Variants in PRRC2C observed in about 807,000 individuals in gnomAD.
The protein encoded by PRRC2C is proline rich coiled-coil 2C, also known as protein PRRC2C.
PRRC2C carries 72 observed loss-of-function variants against 317.2 expected under a neutral mutation model. That is an observed-to-expected ratio of 0.23 (90% CI 0.19 to 0.28). PRRC2C has a LOEUF of 0.28. Among genes scored for constraint, PRRC2C ranks in the 10% least tolerant of loss-of-function variants. The pLI, the probability that PRRC2C is intolerant of heterozygous loss-of-function variation, is 1.00. For synonymous variants in PRRC2C, 1,296 were observed against 1,205.9 expected, an observed-to-expected ratio of 1.07 and a Z score of -1.55; for missense variants, 3,074 against 3,459.7, an observed-to-expected ratio of 0.89 and a Z score of 2.80.
At chr1:171,500,878 A>G (rs1361933538) in intron 1 of PRRC2C, among the ~76,000 whole-genome samples, 4 of 152,112 alleles carry the variant, frequency 2.6e-5, no homozygotes. Context: ...AAAATATGGA[A>G]AATGCAGATG....
At position 171,513,229 on chromosome 1, in the gene PRRC2C, T is replaced by C. The variant is rs1271150953; in HGVS notation, c.290+57T>C. On this transcript the variant is annotated intron_variant, in intron 3 of 34. Transcript: ENST00000647382. ...TTCCCCTTTCTTTGTAGGGAACTTATGTTTGAGTACCTGCTATTTGCTAAG... is the reference window on the plus strand; with the variant it reads ...TTCCCCTTTCTTTGTAGGGAACTTACGTTTGAGTACCTGCTATTTGCTAAG... 4.0e-6 allele frequency: 6 copies of C among 1,498,172 alleles called. No individual in the cohort carries two copies. The East Asian group carries it at 7.2e-5, about 18-fold the overall frequency. The allele number at this position is 1,498,172 out of a possible 1,614,324, so 92.8% of individuals were successfully genotyped here.
At chr1:171,529,531 T>G (rs886345671) in intron 11 of PRRC2C, among the ~76,000 whole-genome samples, 1 of 152,218 alleles carries the variant, frequency 6.6e-6, no homozygotes, top group African/African-American at 2.4e-5. Flanking sequence ...TTACCCTACA[T>G]CTAGCTTTAT....
Position 171,588,504 on chromosome 1 carries a change from A to T in PRRC2C, c.8198A>T (p.Gln2733Leu). The T allele has an allele frequency of 6.2e-7, 1 of 1,613,436 alleles. No individual in the cohort carries two copies. Among genetic ancestry groups the T allele is most frequent in the Non-Finnish European group, 8.5e-7 (1 of 1,179,538 alleles). Reference sequence around the variant, plus strand: ...CCATTTCCTACACAGTTTGCACCCCAGGTGGGCAGACATAATTAAGAAATG... The same window carrying T: ...CCATTTCCTACACAGTTTGCACCCCTGGTGGGCAGACATAATTAAGAAATG... Reference protein sequence around the residue: ...TQPFPTQFAPQILSQPNLVPP... With the variant: ...TQPFPTQFAPLILSQPNLVPP... Residue 2733 changes from glutamine (Q) to leucine (L), a missense_variant and splice_region_variant, in exon 33 of 35, where the codon CAG (glutamine) becomes CTG (leucine). Gln to Leu is a moderately radical substitution (Grantham distance 113). Coordinates refer to ENST00000647382, the MANE Select transcript of PRRC2C (RefSeq NM_001387844.1).
intron 3 of PRRC2C, 27 bp from the exon 4 acceptor site, chr1:171,514,509 A>T: frequency 6.7e-7 from 1 of 1,492,288 alleles, no homozygotes; most frequent in African/African-American, 1.4e-5. Flanking sequence ...CAGTATCTGA[A>T]ATAATGGATT....
At chr1:171,544,850 A>G (rs991774587) in intron 16 of PRRC2C, among the ~76,000 whole-genome samples, 1 of 152,216 alleles carries the variant, frequency 6.6e-6, no homozygotes, top group Non-Finnish European at 1.5e-5. Context: ...ATAGGCTAAG[A>G]TGCAAATGAA....
At chr1:171,547,603 G>GT (rs911880940) in intron 17 of PRRC2C, among the ~76,000 whole-genome samples, 1 of 144,704 alleles carries the variant, frequency 6.9e-6, no homozygotes, top group Non-Finnish European at 1.5e-5. Flanking sequence ...AATAAACTGG[G>GT]TTTTTTTCTT....
chr1:171,566,150 G>T, intron 20 of PRRC2C, 83 bp from the exon 21 acceptor site: 1 of 1,103,264 alleles, frequency 9.1e-7, no homozygotes, highest in Non-Finnish European at 1.3e-6. Flanking sequence ...ACCTTCTATT[G>T]TACTTAAACT....
Position 171,571,309 on chromosome 1 carries a change from T to C in PRRC2C, c.6652-11T>C. On this transcript the variant is annotated splice_polypyrimidine_tract_variant and intron_variant, in intron 23 of 34. Coordinates refer to ENST00000647382, the MANE Select transcript of PRRC2C (RefSeq NM_001387844.1). ...TAGTTAGATTGTGATATGTGTTGCCTACCTTTTCAGGTGCCCCTGCCCAAC... is the reference window on the plus strand; with the variant it reads ...TAGTTAGATTGTGATATGTGTTGCCCACCTTTTCAGGTGCCCCTGCCCAAC... 1 of 1,534,598 alleles carries C rather than the reference T, an allele frequency of 6.5e-7. No homozygotes were observed. The highest frequency in any genetic ancestry group is 1.7e-5 in the Admixed American group (1 of 59,722).
At chr1:171,587,415 A>G (rs1650294122) in intron 31 of PRRC2C, among the ~76,000 whole-genome samples, 194 bp downstream of exon 31, 1 of 152,230 alleles carries the variant, frequency 6.6e-6, no homozygotes, top group Non-Finnish European at 1.5e-5. Context: ...ACCTAATAAC[A>G]AAGAATTCAC....
chr1:171,584,904 T>C (rs1473655767), intron 30 of PRRC2C, among the ~76,000 whole-genome samples: 1 of 152,178 alleles, frequency 6.6e-6, no homozygotes, highest in Non-Finnish European at 1.5e-5. Flanking sequence ...CCTGTGTAGC[T>C]GGGACTACAG....
intron 20 of PRRC2C, among the ~76,000 whole-genome samples, chr1:171,561,521 C>G (rs1436437889): frequency 2.0e-5 from 3 of 152,138 alleles, no homozygotes; most frequent in African/African-American, 7.2e-5. Flanking sequence ...GATTGCTGAG[C>G]CCCATGTCCA....
chr1:171,528,073 T>TC (rs1674991982), intron 11 of PRRC2C, among the ~76,000 whole-genome samples: 1 of 152,138 alleles, frequency 6.6e-6, no homozygotes, highest in African/African-American at 2.4e-5. Context: ...ACTTTTTTTT[T>TC]CTCTCTCACT....
At chr1:171,591,566 T>C in intron 34 of PRRC2C, 21 bp from the exon 35 acceptor site, 3 of 1,605,894 alleles carry the variant, frequency 1.9e-6, no homozygotes, top group Non-Finnish European at 2.6e-6. Flanking sequence ...TATTTTCAGT[T>C]GTTCTTTCTC....
chr1:171,561,068 C>T lies in PRRC2C; in HGVS notation c.6082C>T (p.Pro2028Ser). ...QPPSVSAWNK[P>S]LTSFGSAPSS... ...ACCTTCAGTCAGTGCATGGAATAAG[C>T]CCTTAACATCGTTTGGATCAGCTCC... The change falls in exon 20 of 35, where the codon CCC (proline) becomes TCC (serine). Residue 2028 changes from proline to serine, a missense_variant. Transcript: ENST00000647382. 1 of 1,607,806 alleles carries T rather than the reference C, an allele frequency of 6.2e-7. No individual in the cohort carries two copies. Among genetic ancestry groups the T allele is most frequent in the Non-Finnish European group, 8.5e-7 (1 of 1,174,272 alleles).
chr1:171,560,631 AGAT>A (rs1232001300), intron 19 of PRRC2C, among the ~76,000 whole-genome samples: 6 of 152,258 alleles, frequency 3.9e-5, no homozygotes, highest in African/African-American at 7.2e-5. Flanking sequence ...TCAAAGGCTA[AGAT>A]GATGATTAGC....
Position 171,524,974 on chromosome 1 carries a change from G to T in PRRC2C, c.1200+9G>T. ...GACCTTCATTTAATCAGGTTTGTTGGACTCATGGAGATCCTTGTTATTGCA... is the reference window on the plus strand; with the variant it reads ...GACCTTCATTTAATCAGGTTTGTTGTACTCATGGAGATCCTTGTTATTGCA... On this transcript the variant is annotated intron_variant, in intron 10 of 34. Transcript: ENST00000647382. 1 of 1,577,982 alleles carries T rather than the reference G, an allele frequency of 6.3e-7. No homozygotes were observed. The highest frequency in any genetic ancestry group is 8.6e-7 in the Non-Finnish European group (1 of 1,159,744).
chr1:171,499,264 G>A (rs1668652387), intron 1 of PRRC2C, among the ~76,000 whole-genome samples: 1 of 152,230 alleles, frequency 6.6e-6, no homozygotes, highest in Non-Finnish European at 1.5e-5. Context: ...GTTCCTAGCA[G>A]TGCCTGGTAT....
In PRRC2C at chr1:171,566,388, G is replaced by A. The variant is rs944484760; in HGVS notation, c.6273G>A (p.Lys2091=). The A allele has an allele frequency of 2.5e-6, 4 of 1,583,128 alleles. No homozygotes were observed. The highest frequency in any genetic ancestry group is 2.7e-5 in the African/African-American group (2 of 74,142). The part of the protein sequence containing the change: ...KIPEPKEQRQ[K]QPRAGPIKAQ... ...CTGAACCTAAAGAACAGCGGCAGAA[G>A]CAGCCACGAGCAGGACCTATCAAAG... The change falls in exon 21 of 35, where the codon AAG becomes AAA. Residue 2091 remains lysine (K), a synonymous_variant. Transcript: ENST00000647382.
At chr1:171,560,479 T>G (rs1043934427) in intron 19 of PRRC2C, among the ~76,000 whole-genome samples, 7 of 152,240 alleles carry the variant, frequency 4.6e-5, no homozygotes, top group African/African-American at 1.4e-4. Flanking sequence ...AAAGGAATAG[T>G]CAGTTGATGT....
Sources: gnomAD v4.1 joint callset for allele counts (sites outside exome capture counted in the v4.1 genomes callset) on GRCh38, gnomAD v4.1.1 for gene constraint, MANE v1.5 for transcripts, NCBI Gene and HGNC (gene_info 2026-07-23, HGNC 2026-07-21) for gene names.